Variants in CNBD1 observed in about 807,000 individuals in gnomAD.
CNBD1 encodes the protein cyclic nucleotide binding domain containing 1.
A neutral mutation model predicts 54.4 loss-of-function variants in CNBD1; 71 were observed. The observed-to-expected ratio is 1.30, with a 90% CI of 1.08 to 1.59. The LOEUF is 1.59. CNBD1 is among the 40% of genes most tolerant of loss of function. CNBD1 has a pLI of 0.00. For missense variants in CNBD1, 659 were observed against 518.0 expected, an observed-to-expected ratio of 1.27 and a Z score of -2.64; for synonymous variants, 182 against 170.7, an observed-to-expected ratio of 1.07 and a Z score of -0.51.
intron 3 of CNBD1, among the ~76,000 whole-genome samples, chr8:86,917,937 T>G (rs922617601): frequency 2.6e-5 from 4 of 152,186 alleles, no homozygotes; most frequent in African/African-American, 7.2e-5. Flanking sequence ...CATAAAATGG[T>G]ATTGGAGGAA....
At chr8:87,115,928 A>G (rs908216023) in intron 4 of CNBD1, among the ~76,000 whole-genome samples, 3 of 152,042 alleles carry the variant, frequency 2.0e-5, no homozygotes, top group Non-Finnish European at 4.4e-5. Flanking sequence ...CCAGCTCATC[A>G]TTACAAATAC....
intron 2 of CNBD1, among the ~76,000 whole-genome samples, chr8:87,408,530 T>C (rs534722176): frequency 6.6e-6 from 1 of 152,252 alleles, no homozygotes; most frequent in East Asian, 1.9e-4. Context: ...TTTTAAGGAC[T>C]TTGGGCTGCT....
chr8:87,288,169 C>A (rs531963344), intron 8 of CNBD1, among the ~76,000 whole-genome samples: 2 of 152,060 alleles, frequency 1.3e-5, no homozygotes, highest in East Asian at 3.9e-4. Flanking sequence ...CTTTTTGTTC[C>A]TTCATTCATC....
chr8:87,302,596 C>T (rs1809032130), intron 8 of CNBD1, among the ~76,000 whole-genome samples: 1 of 151,898 alleles, frequency 6.6e-6, no homozygotes. Flanking sequence ...TGCCCTCTCT[C>T]ACCACTCCTA....
chr8:86,979,272 A>G lies in CNBD1; in HGVS notation c.431+39518A>G, dbSNP rs138067203. Among the ~76,000 whole-genome samples, 688 of 152,020 alleles carry G rather than the reference A, an allele frequency of 4.5e-3. 6 individuals are homozygous for G. The highest frequency in any genetic ancestry group is 0.016 in the African/African-American group (662 of 41,494). ...AATTAAAAGAATAAAGACTATAATAAATAACACTGAGGGCTGGATGTGGTG... is the reference window on the plus strand; with the variant it reads ...AATTAAAAGAATAAAGACTATAATAGATAACACTGAGGGCTGGATGTGGTG... On this transcript the variant is annotated intron_variant, in intron 4 of 10. Coordinates refer to ENST00000518476, the MANE Select transcript of CNBD1 (RefSeq NM_173538.3).
At chr8:86,955,416 C>T (rs1022293738) in intron 4 of CNBD1, among the ~76,000 whole-genome samples, 2 of 152,202 alleles carry the variant, frequency 1.3e-5, no homozygotes, top group African/African-American at 4.8e-5. Context: ...ACACTGTCTT[C>T]CACCATGGTT....
At chr8:87,152,805 A>G (rs953260554) in intron 4 of CNBD1, among the ~76,000 whole-genome samples, 1 of 152,194 alleles carries the variant, frequency 6.6e-6, no homozygotes, top group South Asian at 2.1e-4. Context: ...TGAAAAACAA[A>G]GGTCTGCAAG....
At chr8:86,910,500 G>A (rs539847424) in intron 3 of CNBD1, among the ~76,000 whole-genome samples, 1 of 152,296 alleles carries the variant, frequency 6.6e-6, no homozygotes, top group East Asian at 1.9e-4. Flanking sequence ...GGGAGGGGGA[G>A]CATCCTGCAC....
At chr8:86,918,794 T>C in intron 3 of CNBD1, among the ~76,000 whole-genome samples, 1 of 120,326 alleles carries the variant, frequency 8.3e-6, no homozygotes, top group East Asian at 2.7e-4. Context: ...CATGCTATCT[T>C]TCTTTAAAAA....
At chr8:86,975,858 A>G (rs529783523) in intron 4 of CNBD1, among the ~76,000 whole-genome samples, 22 of 152,132 alleles carry the variant, frequency 1.4e-4, no homozygotes, top group African/African-American at 4.8e-4. Flanking sequence ...ACGTACAAGG[A>G]GTTCTCTTTT....
chr8:86,963,081 T>C (rs1390786729), intron 4 of CNBD1, among the ~76,000 whole-genome samples: 1 of 152,144 alleles, frequency 6.6e-6, no homozygotes, highest in African/African-American at 2.4e-5. Context: ...TCCTAGCGAA[T>C]ACCCGGGGTA....
At chr8:86,933,900 T>A (rs1490530576) in intron 3 of CNBD1, among the ~76,000 whole-genome samples, 1 of 152,180 alleles carries the variant, frequency 6.6e-6, no homozygotes, top group Non-Finnish European at 1.5e-5. Context: ...TGTATCTCTA[T>A]TATTTATCTG....
intron 8 of CNBD1, among the ~76,000 whole-genome samples, chr8:87,301,478 T>A (rs1179190479): frequency 7.0e-6 from 1 of 143,760 alleles, no homozygotes; most frequent in Admixed American, 7.0e-5. Context: ...TCCAACAACA[T>A]ATCAAAAAGA....
chr8:87,411,439 A>G (rs1218607376), intron 2 of CNBD1, among the ~76,000 whole-genome samples: 1 of 87,880 alleles, frequency 1.1e-5, no homozygotes, highest in Non-Finnish European at 2.2e-5. Context: ...TCATTCACAC[A>G]TATTTTTAAA....
chr8:86,920,745 A>G (rs1563822341), intron 3 of CNBD1, among the ~76,000 whole-genome samples: 1 of 152,198 alleles, frequency 6.6e-6, no homozygotes, highest in Non-Finnish European at 1.5e-5. Flanking sequence ...TTTGGATTTT[A>G]GATTCTAAAG....
chr8:86,992,713 T>C (rs1002699475), intron 4 of CNBD1, among the ~76,000 whole-genome samples: 3 of 152,126 alleles, frequency 2.0e-5, no homozygotes, highest in African/African-American at 4.8e-5. Flanking sequence ...TTATCTCTCC[T>C]TCACTTATGA....
At chr8:87,103,068 G>T (rs1186085813) in intron 4 of CNBD1, among the ~76,000 whole-genome samples, 2 of 152,196 alleles carry the variant, frequency 1.3e-5, no homozygotes, top group Non-Finnish European at 2.9e-5. Flanking sequence ...TTGAAAAGAA[G>T]ATGATGAGTT....
chr8:86,978,141 T>A lies in CNBD1; in HGVS notation c.431+38387T>A, dbSNP rs568249267. On this transcript the variant is annotated intron_variant, in intron 4 of 10. Coordinates refer to ENST00000518476, the MANE Select transcript of CNBD1 (RefSeq NM_173538.3). The stretch of plus-strand genomic sequence containing the variant: ...TATCACTCTCCTTATTTTCTTGCCA[T>A]TTGACCTATGCTTATCACTTATGTG... Among the ~76,000 whole-genome samples the A allele has an allele frequency of 5.3e-5, 8 of 152,298 alleles. No individual in the cohort carries two copies. The South Asian group carries it at 6.2e-4, about 12-fold the overall frequency.
chr8:87,103,524 AG>A (rs1486145169), intron 4 of CNBD1, among the ~76,000 whole-genome samples: 2 of 152,224 alleles, frequency 1.3e-5, no homozygotes, highest in Non-Finnish European at 2.9e-5. Flanking sequence ...GAGAGGCCTC[AG>A]AAAACTTACA....
Sources: gnomAD v4.1 joint callset for allele counts (sites outside exome capture counted in the v4.1 genomes callset) on GRCh38, gnomAD v4.1.1 for gene constraint, MANE v1.5 for transcripts, NCBI Gene and HGNC (gene_info 2026-07-23, HGNC 2026-07-21) for gene names.